ZNF652: variants seen among roughly 807,000 people sequenced by gnomAD.
ZNF652 encodes the protein zinc finger protein 652.
Under a neutral mutation model 45.2 loss-of-function variants are expected in ZNF652, and 16 were observed. The ratio of observed to expected loss-of-function variants is 0.35; its 90% confidence interval spans 0.24 to 0.54. ZNF652 has a LOEUF of 0.54. Among genes scored for constraint, ZNF652 ranks in the 20% least tolerant of loss-of-function variants. The pLI is 0.91. For missense variants in ZNF652, 614 were observed against 765.6 expected (o/e 0.80, Z 2.34); for synonymous variants, 250 against 260.6 (o/e 0.96, Z 0.39).
chr17:49,317,405 C>A lies in ZNF652; in HGVS notation c.321G>T (p.Glu107Asp). 1 of 1,614,086 alleles carries A rather than the reference C, an allele frequency of 6.2e-7. No homozygotes were observed. Among genetic ancestry groups the A allele is most frequent in the Non-Finnish European group, 8.5e-7 (1 of 1,180,022 alleles). Residue 107 changes from glutamate (E) to aspartate (D), a missense_variant, in exon 2 of 6, where the codon GAG becomes GAT. Glu to Asp is a conservative substitution (Grantham distance 45, BLOSUM62 2). Around this residue, in one of 5 missense-constraint regions of ZNF652, gnomAD observed 133 missense variants for 132.2 expected, o/e 1.01. Coordinates refer to ENST00000430262, the MANE Select transcript of ZNF652 (RefSeq NM_001145365.3). ...RENSDDTEEE[E>D]EEVSYKREQI... ...GCTCCCTTTTGTAAGAGACTTCTTC[C>A]TCTTCCTCCTCTGTGTCATCAGAAT...
chr17:49,293,655 TAAAAA>T lies in ZNF652; in HGVS notation c.*4753_*4757del, dbSNP rs10609861. On this transcript the variant is annotated 3_prime_UTR_variant, in exon 6 of 6. Transcript: ENST00000430262. The stretch of plus-strand genomic sequence containing the variant: ...CTAATGGCTTATGACCTTTCATTCC[TAAAAA>T]AAAAAAAAAAAAAAAAAAAAAAAAA... 1.3e-5 allele frequency among the ~76,000 whole-genome samples: 1 copy of T among 78,316 alleles called. No individual in the cohort carries two copies. The highest frequency in any genetic ancestry group is 4.6e-4 in the South Asian group (1 of 2,174). The allele number at this position is 78,316 out of a possible 152,430, so 51.4% of individuals were successfully genotyped here. A position where few individuals can be genotyped will look rare whatever the true frequency, so the allele number is the denominator to read the frequency against.
At chr17:49,311,007 T>A (rs1340184649) in intron 5 of ZNF652, among the ~76,000 whole-genome samples, 1 of 152,188 alleles carries the variant, frequency 6.6e-6, no homozygotes, top group Non-Finnish European at 1.5e-5. Context: ...GAAAATAACA[T>A]GCACATACAC....
chr17:49,328,454 G>A (rs1380869047), intron 1 of ZNF652, among the ~76,000 whole-genome samples: 1 of 152,154 alleles, frequency 6.6e-6, no homozygotes, highest in Non-Finnish European at 1.5e-5. Flanking sequence ...ATGTTGAAAT[G>A]TAATCCTCAA....
At chr17:49,329,370 C>T (rs568452476) in intron 1 of ZNF652, among the ~76,000 whole-genome samples, 29 of 152,264 alleles carry the variant, frequency 1.9e-4, no homozygotes, top group Non-Finnish European at 2.8e-4. Context: ...ACAGTATCAA[C>T]GCATATTTAT....
rs1332795943 is a variant in ZNF652 at position 49,317,798 on chromosome 17, C to T, written c.-73G>A. 5.7e-6 allele frequency: 8 copies of T among 1,406,786 alleles called. No individual in the cohort carries two copies. Among genetic ancestry groups the T allele is most frequent in the Non-Finnish European group, 6.6e-6 (7 of 1,061,152 alleles). 87.1% of individuals were successfully genotyped at this position (1,406,786 alleles called of 1,614,324 possible). A position where few individuals can be genotyped will look rare whatever the true frequency, so the allele number is the denominator to read the frequency against. On this transcript the variant is annotated 5_prime_UTR_variant, in exon 2 of 6. Coordinates refer to ENST00000430262, the MANE Select transcript of ZNF652 (RefSeq NM_001145365.3). ...CTTTAAAACAAGGTAATTATTAAGA[C>T]TCAAATCTTTTCTCATCCACAAAGA... is the stretch of plus-strand genomic sequence containing the variant.
chr17:49,313,427 G>A (rs1240214157), intron 2 of ZNF652, among the ~76,000 whole-genome samples: 2 of 152,048 alleles, frequency 1.3e-5, no homozygotes, highest in East Asian at 1.9e-4. Flanking sequence ...AAAGTACTGC[G>A]ATTACAGGCA....
At chr17:49,320,483 G>A (rs2069875076) in intron 1 of ZNF652, among the ~76,000 whole-genome samples, 1 of 152,208 alleles carries the variant, frequency 6.6e-6, no homozygotes, top group African/African-American at 2.4e-5. Flanking sequence ...AGGCCTGCCT[G>A]ACTCCAAAGC....
intron 1 of ZNF652, among the ~76,000 whole-genome samples, chr17:49,348,461 G>C (rs895459780): frequency 3.2e-5 from 4 of 124,722 alleles, no homozygotes; most frequent in African/African-American, 6.7e-5. Context: ...CTGGGTGACA[G>C]AGCAAGACCT....
In ZNF652 at chr17:49,316,810, C is replaced by T. The variant is rs200880685; in HGVS notation, c.900+16G>A. On this transcript the variant is annotated intron_variant, in intron 2 of 5. Coordinates refer to ENST00000430262, the MANE Select transcript of ZNF652 (RefSeq NM_001145365.3). ...TTCTATCCTGAAAAGTTTTCCCTCT[C>T]GGTGATGAAACCTACCTGAATGTTT... The T allele has an allele frequency of 1.3e-5, 20 of 1,591,180 alleles. No homozygotes were observed. The highest frequency in any genetic ancestry group is 8.1e-5 in the African/African-American group (6 of 74,040).
chr17:49,327,726 AATAAATATAT>A lies in ZNF652; in HGVS notation c.-258-9753_-258-9744del, dbSNP rs1567690271. ...GAGACCTCGTGTCTACTTTTAAATA[AATAAATATAT>A]ATATATATATATATATATATATATA... On this transcript the variant is annotated intron_variant, in intron 1 of 5. Coordinates refer to ENST00000430262, the MANE Select transcript of ZNF652 (RefSeq NM_001145365.3). Among the ~76,000 whole-genome samples the A allele has an allele frequency of 2.5e-4, 19 of 76,042 alleles. 1 individual carries two copies. The South Asian group carries it at 3.6e-3, about 14-fold the overall frequency. The allele number at this position is 76,042 out of a possible 152,430, so 49.9% of individuals were successfully genotyped here.
intron 1 of ZNF652, among the ~76,000 whole-genome samples, chr17:49,333,450 C>T (rs1444638321): frequency 6.7e-6 from 1 of 148,382 alleles, no homozygotes; most frequent in African/African-American, 2.5e-5. Context: ...TGGCTCACAC[C>T]TGTAATCCCA....
At position 49,289,910 on chromosome 17, in the gene ZNF652, TC is replaced by T. The variant is rs1567905809; in HGVS notation, c.*8502del. 2.0e-5 allele frequency: 3 copies of T among 152,258 alleles called. No homozygotes were observed. Among genetic ancestry groups the T allele is most frequent in the Non-Finnish European group, 1.5e-5 (1 of 68,042 alleles). The allele number at this position is 152,258 out of a possible 1,614,324, so 9.4% of individuals were successfully genotyped here. On this transcript the variant is annotated 3_prime_UTR_variant, in exon 6 of 6. Coordinates refer to ENST00000430262, the MANE Select transcript of ZNF652 (RefSeq NM_001145365.3). Reference sequence around the variant, plus strand: ...TTGTCAAACTCCTTTGGACAAATATTCAACATTCAACAACAAGCTTTGTAAA... The same window carrying T: ...TTGTCAAACTCCTTTGGACAAATATTAACATTCAACAACAAGCTTTGTAAA...
chr17:49,292,318 T>C lies in ZNF652; in HGVS notation c.*6095A>G, dbSNP rs555026849. ...ACTCTGGCTGTGAAGGACTAGCCAA[T>C]TGCTAAATGTTTCATCACGGAGGTG... On this transcript the variant is annotated 3_prime_UTR_variant, in exon 6 of 6. Transcript: ENST00000430262. Among the ~76,000 whole-genome samples, 8 of 152,294 alleles carry C rather than the reference T, an allele frequency of 5.3e-5. No homozygotes were observed. The highest frequency in any genetic ancestry group is 2.0e-4 in the Admixed American group (3 of 15,296).
chr17:49,351,591 A>G (rs1206413761), intron 1 of ZNF652, among the ~76,000 whole-genome samples: 1 of 152,144 alleles, frequency 6.6e-6, no homozygotes, highest in African/African-American at 2.4e-5. Flanking sequence ...ACATATATAT[A>G]TATGTGCGCT....
intron 1 of ZNF652, among the ~76,000 whole-genome samples, chr17:49,330,684 T>C (rs1484916350): frequency 2.0e-5 from 3 of 151,934 alleles, no homozygotes; most frequent in Non-Finnish European, 2.9e-5. Flanking sequence ...AATGGAGTAG[T>C]CCATTTTTAA....
chr17:49,313,601 C>T (rs2069749478), intron 2 of ZNF652, among the ~76,000 whole-genome samples: 2 of 151,960 alleles, frequency 1.3e-5, no homozygotes, highest in Admixed American at 1.3e-4. Flanking sequence ...GTAATAAAAA[C>T]AAGATTAAAC....
Position 49,317,452 on chromosome 17 carries a change from C to A in ZNF652, c.274G>T (p.Ala92Ser), listed in dbSNP as rs2069823910. Reference sequence around the variant, plus strand: ...GAATTCTCCCGGTCTTCCTTAACAGCATGCACGTCAGACACTGCTCTTGTC... The same window carrying A: ...GAATTCTCCCGGTCTTCCTTAACAGAATGCACGTCAGACACTGCTCTTGTC... Reference protein sequence around the residue: ...RETRAVSDVHAVKEDRENSDD... With the variant: ...RETRAVSDVHSVKEDRENSDD... The change falls in exon 2 of 6, where the codon GCT becomes TCT. Residue 92 changes from alanine to serine, a missense_variant. Coordinates refer to ENST00000430262, the MANE Select transcript of ZNF652 (RefSeq NM_001145365.3). 1 of 1,614,196 alleles carries A rather than the reference C, an allele frequency of 6.2e-7. No homozygotes were observed. The highest frequency in any genetic ancestry group is 8.5e-7 in the Non-Finnish European group (1 of 1,180,046).
At chr17:49,325,370 A>G (rs2069945842) in intron 1 of ZNF652, among the ~76,000 whole-genome samples, 2 of 152,226 alleles carry the variant, frequency 1.3e-5, no homozygotes, top group Admixed American at 1.3e-4. Context: ...TTTATCAATT[A>G]AGTTTGCCAT....
At chr17:49,350,239 AT>A (rs1311439294) in intron 1 of ZNF652, among the ~76,000 whole-genome samples, 1 of 151,930 alleles carries the variant, frequency 6.6e-6, no homozygotes, top group African/African-American at 2.4e-5. Context: ...TATTCCAAAA[AT>A]AAAAAAAAAA....
Sources: allele counts gnomAD v4.1 joint callset (sites outside exome capture counted in the v4.1 genomes callset), GRCh38; gene constraint gnomAD v4.1.1; regional missense constraint gnomAD v4.1.1; transcripts MANE v1.5; gene names NCBI Gene and HGNC (gene_info 2026-07-23, HGNC 2026-07-21).